The following GAS2 variants were observed in gnomAD, a reference collection of about 807,000 sequenced individuals.
GAS2 encodes growth arrest specific 2, also known as growth arrest-specific protein 2.
Under a neutral mutation model 37.5 loss-of-function variants are expected in GAS2, and 20 were observed. The ratio of observed to expected loss-of-function variants is 0.53; its 90% CI spans 0.37 to 0.77. The LOEUF is 0.77. Ranked by LOEUF, GAS2 falls within the 30% of genes least tolerant of loss-of-function variation. GAS2 has a pLI of 0.00. For synonymous variants in GAS2, 144 were observed against 132.2 expected (o/e 1.09, Z -0.61); for missense variants, 336 against 373.4 (o/e 0.90, Z 0.82).
upstream of GAS2, among the ~76,000 whole-genome samples, chr11:22,666,312 G>A (rs374962620): frequency 6.6e-6 from 1 of 152,216 alleles, no homozygotes; most frequent in African/African-American, 2.4e-5. Context: ...AAGAGTGGCC[G>A]AAGTTACTGG....
chr11:22,631,294 T>C (rs2133805183), intron 1 of GAS2, among the ~76,000 whole-genome samples: 1 of 152,224 alleles, frequency 6.6e-6, no homozygotes, highest in South Asian at 2.1e-4. Flanking sequence ...GTTTGACTCC[T>C]TTTTTTCCAA....
intron 7 of GAS2, among the ~76,000 whole-genome samples, chr11:22,785,665 T>A (rs560557120): frequency 6.6e-6 from 1 of 152,232 alleles, no homozygotes; most frequent in South Asian, 2.1e-4. Context: ...TTAAACTATA[T>A]CTTCAGCACT....
intron 1 of GAS2, among the ~76,000 whole-genome samples, chr11:22,646,523 C>T (rs1263019854): frequency 6.6e-6 from 1 of 152,106 alleles, no homozygotes; most frequent in Non-Finnish European, 1.5e-5. Context: ...GGTATATAAT[C>T]AAGGAACATA....
At chr11:22,684,097 A>G (rs1388820440) in intron 2 of GAS2, among the ~76,000 whole-genome samples, 1 of 152,242 alleles carries the variant, frequency 6.6e-6, no homozygotes, top group Non-Finnish European at 1.5e-5. Context: ...ACAAAAGCAT[A>G]GCAGCAGAAA....
At chr11:22,671,130 A>G (rs1849183012) in intron 1 of GAS2, among the ~76,000 whole-genome samples, 1 of 151,856 alleles carries the variant, frequency 6.6e-6, no homozygotes, top group Non-Finnish European at 1.5e-5. Context: ...CAAAGTCATT[A>G]TTTTTTTCTT....
At chr11:22,651,798 G>A (rs1180203964) in intron 1 of GAS2, among the ~76,000 whole-genome samples, 3 of 152,078 alleles carry the variant, frequency 2.0e-5, no homozygotes, top group African/African-American at 7.2e-5. Context: ...CTCTGTATTG[G>A]TTATTCTAGT....
intron 1 of GAS2, among the ~76,000 whole-genome samples, chr11:22,640,976 T>C (rs1471780465): frequency 6.6e-6 from 1 of 151,890 alleles, no homozygotes; most frequent in Admixed American, 6.6e-5. Context: ...CCATTTGTTT[T>C]TCCCTCTTAA....
chr11:22,647,544 G>GT (rs1398165307), intron 1 of GAS2, among the ~76,000 whole-genome samples: 1 of 152,164 alleles, frequency 6.6e-6, no homozygotes, highest in Non-Finnish European at 1.5e-5. Flanking sequence ...CACCAACAGT[G>GT]TAAAAGTGTT....
intron 2 of GAS2, among the ~76,000 whole-genome samples, chr11:22,683,942 C>T (rs985058125): frequency 2.0e-5 from 3 of 152,138 alleles, no homozygotes; most frequent in African/African-American, 7.2e-5. Flanking sequence ...TTGATCAGTG[C>T]CAGAGTAAGT....
chr11:22,654,890 C>T (rs1035147283), intron 1 of GAS2, among the ~76,000 whole-genome samples: 1 of 152,066 alleles, frequency 6.6e-6, no homozygotes, highest in African/African-American at 2.4e-5. Context: ...ACATACTAGT[C>T]TTCATGATTA....
chr11:22,720,233 G>T lies in GAS2; in HGVS notation c.268-6059G>T, dbSNP rs548136988. Among the ~76,000 whole-genome samples, 12 of 152,052 alleles carry T rather than the reference G, an allele frequency of 7.9e-5. No homozygotes were observed. In the South Asian group the frequency reaches 2.5e-3, roughly 32 times the overall value. On this transcript the variant is annotated intron_variant, in intron 3 of 7. Coordinates refer to ENST00000454584, the MANE Select transcript of GAS2 (RefSeq NM_001143830.3). ...ATATTGCACTAAAATTTTGATCTAA[G>T]ATCTGTTCTATATAAAGTGGAATTT...
At chr11:22,795,443 G>A (rs945037406) in intron 7 of GAS2, among the ~76,000 whole-genome samples, 1 of 152,076 alleles carries the variant, frequency 6.6e-6, no homozygotes, top group Non-Finnish European at 1.5e-5. Flanking sequence ...TTTTTACAGG[G>A]TGATTAGGAT....
chr11:22,758,680 G>A (rs186633226), intron 7 of GAS2, among the ~76,000 whole-genome samples: 2 of 152,166 alleles, frequency 1.3e-5, no homozygotes, highest in African/African-American at 4.8e-5. Flanking sequence ...TTGGGAGGCC[G>A]AGGCGGGCAG....
intron 5 of GAS2, among the ~76,000 whole-genome samples, chr11:22,747,970 T>C (rs1038041156): frequency 6.6e-6 from 1 of 151,894 alleles, no homozygotes; most frequent in African/African-American, 2.4e-5. Context: ...AATAAGCAGT[T>C]AGAATAGGAC....
intron 7 of GAS2, among the ~76,000 whole-genome samples, chr11:22,797,705 G>A (rs2134619727): frequency 6.6e-6 from 1 of 152,184 alleles, no homozygotes; most frequent in East Asian, 1.9e-4. Context: ...ATAGGAGGAA[G>A]TACTATCAGG....
intron 1 of GAS2, among the ~76,000 whole-genome samples, chr11:22,670,795 A>G (rs1849167943): frequency 6.6e-6 from 1 of 152,122 alleles, no homozygotes; most frequent in South Asian, 2.1e-4. Flanking sequence ...TGGACCTATT[A>G]TTTGACCCTG....
intron 1 of GAS2, among the ~76,000 whole-genome samples, chr11:22,629,513 G>A (rs187371062): frequency 6.6e-6 from 1 of 152,274 alleles, no homozygotes; most frequent in African/African-American, 2.4e-5. Flanking sequence ...CTGGGGTAAG[G>A]TGGTATCCCA....
intron 1 of GAS2, among the ~76,000 whole-genome samples, chr11:22,646,165 C>T (rs575784029): frequency 6.6e-6 from 1 of 152,238 alleles, no homozygotes; most frequent in South Asian, 2.1e-4. Flanking sequence ...TTCCTGTCTT[C>T]TGCTCAACCA....
chr11:22,706,278 T>C (rs1469745278), intron 3 of GAS2, among the ~76,000 whole-genome samples: 1 of 151,630 alleles, frequency 6.6e-6, no homozygotes, highest in Non-Finnish European at 1.5e-5. Context: ...TGACAGATAA[T>C]GACCACTTAT....
Sources: allele counts gnomAD v4.1 joint callset (sites outside exome capture counted in the v4.1 genomes callset), GRCh38; gene constraint gnomAD v4.1.1; transcripts MANE v1.5; gene names NCBI Gene and HGNC (gene_info 2026-07-23, HGNC 2026-07-21).